The following ANKRD6 variants were observed in gnomAD, a reference collection of about 807,000 sequenced individuals.
The protein encoded by ANKRD6 is ankyrin repeat domain 6.
A neutral mutation model predicts 82.3 loss-of-function variants in ANKRD6; 56 were observed. The ratio of observed to expected loss-of-function variants is 0.68; its 90% CI spans 0.55 to 0.85. ANKRD6 has a LOEUF of 0.85. Among genes scored for constraint, ANKRD6 ranks in the 40% least tolerant of loss-of-function variants. The probability of loss-of-function intolerance (pLI) is 0.00; values close to 1 mark genes in which losing one functional copy is unlikely to be tolerated. For missense variants in ANKRD6, 852 were observed against 907.6 expected (o/e 0.94, Z 0.79); for synonymous variants, 347 against 352.1 (o/e 0.99, Z 0.16).
chr6:89,633,590 A>G lies in ANKRD6; in HGVS notation c.*2586A>G, dbSNP rs1257384854. The G allele has an allele frequency of 5.3e-5, 8 of 152,222 alleles. No homozygotes were observed. 9.4% of individuals were successfully genotyped at this position (152,222 alleles called of 1,614,324 possible). A position where few individuals can be genotyped will look rare whatever the true frequency, so the allele number is the denominator to read the frequency against. ...GTTTTTTTAAAGAAATTGTTAGTGCATTATTGAGTATACTAAATATCTGTG... is the reference window on the plus strand; with the variant it reads ...GTTTTTTTAAAGAAATTGTTAGTGCGTTATTGAGTATACTAAATATCTGTG... On this transcript the variant is annotated 3_prime_UTR_variant, in exon 16 of 16. Transcript: ENST00000339746.
intron 10 of ANKRD6, 58 bp from the exon 11 acceptor site, chr6:89,623,352 T>C: frequency 2.6e-6 from 4 of 1,548,480 alleles, no homozygotes; most frequent in Non-Finnish European, 3.5e-6. Flanking sequence ...TTGACCATAT[T>C]AGTGAAAAAG....
intron 1 of ANKRD6, among the ~76,000 whole-genome samples, chr6:89,541,159 G>A (rs1490175737): frequency 6.6e-6 from 1 of 151,852 alleles, no homozygotes; most frequent in Non-Finnish European, 1.5e-5. Flanking sequence ...CTATTTCTGT[G>A]AAGAACGTCA....
chr6:89,446,736 T>C (rs567942662), intron 1 of ANKRD6, among the ~76,000 whole-genome samples: 1 of 152,326 alleles, frequency 6.6e-6, no homozygotes, highest in African/African-American at 2.4e-5. Context: ...AAATCTCATC[T>C]TGAACTGTAG....
At chr6:89,612,164 G>A (rs909900002) in intron 5 of ANKRD6, 108 bp from the exon 6 acceptor site, 16 of 944,094 alleles carry the variant, frequency 1.7e-5, no homozygotes, top group Non-Finnish European at 2.4e-5. Context: ...GGCAGAGAAT[G>A]TGAGCGTTGC....
chr6:89,513,801 C>G (rs1206859433), intron 1 of ANKRD6, among the ~76,000 whole-genome samples: 1 of 152,132 alleles, frequency 6.6e-6, no homozygotes, highest in Non-Finnish European at 1.5e-5. Context: ...CAGAGACACA[C>G]AAAGAGAGAG....
intron 1 of ANKRD6, among the ~76,000 whole-genome samples, chr6:89,563,283 A>G (rs1318091041): frequency 6.6e-6 from 1 of 152,222 alleles, no homozygotes; most frequent in East Asian, 1.9e-4. Context: ...CAGAGCAACA[A>G]AAATGGGGCA....
intron 1 of ANKRD6, among the ~76,000 whole-genome samples, chr6:89,498,160 A>G (rs1345747451): frequency 6.6e-6 from 1 of 152,224 alleles, no homozygotes; most frequent in African/African-American, 2.4e-5. Context: ...TTCAGTAATT[A>G]TGAAGCCATG....
intron 1 of ANKRD6, among the ~76,000 whole-genome samples, chr6:89,515,265 TCA>T (rs538601997): frequency 2.9e-4 from 44 of 152,342 alleles, no homozygotes; most frequent in Non-Finnish European, 6.0e-4. Flanking sequence ...GTTTATTTAC[TCA>T]GTTTTTCTAC....
At chr6:89,618,973 A>G (rs72913921) in intron 9 of ANKRD6, among the ~76,000 whole-genome samples, 1 of 152,194 alleles carries the variant, frequency 6.6e-6, no homozygotes, top group Non-Finnish European at 1.5e-5. Context: ...CAGGGAGTCA[A>G]AGGAAGATTT....
chr6:89,448,464 C>T (rs1378525927), intron 1 of ANKRD6, among the ~76,000 whole-genome samples: 7 of 151,656 alleles, frequency 4.6e-5, no homozygotes, highest in African/African-American at 1.7e-4. Flanking sequence ...TATACTACAT[C>T]TACTCTGTCT....
intron 2 of ANKRD6, among the ~76,000 whole-genome samples, chr6:89,588,831 C>A (rs932967070): frequency 5.3e-5 from 8 of 151,902 alleles, no homozygotes; most frequent in Admixed American, 1.3e-4. Flanking sequence ...CATGGTGAAA[C>A]CCTGTCTCTA....
At chr6:89,516,681 T>C (rs1365951333) in intron 1 of ANKRD6, among the ~76,000 whole-genome samples, 1 of 152,236 alleles carries the variant, frequency 6.6e-6, no homozygotes, top group African/African-American at 2.4e-5. Flanking sequence ...TTTGCCGTGT[T>C]GGCCAGGCTG....
rs753261866 is a variant in ANKRD6, at chr6:89,627,694, C to G, written c.1483C>G (p.Gln495Glu). ...AGAGAAGCATGAGGGGGAGAAACGACAGGTAGGAACCAGCATCTGCTAGTC... is the reference window on the plus strand; with the variant it reads ...AGAGAAGCATGAGGGGGAGAAACGAGAGGTAGGAACCAGCATCTGCTAGTC... The part of the protein sequence containing the change: ...DTEKHEGEKR[Q>E]ISLVDELKTW... Residue 495 changes from glutamine (Q) to glutamate (E), a missense_variant and splice_region_variant, in exon 14 of 16, where the codon CAG (glutamine) becomes GAG (glutamate). Transcript: ENST00000339746. 3.1e-6 allele frequency: 5 copies of G among 1,613,638 alleles called. No individual in the cohort carries two copies. The highest frequency in any genetic ancestry group is 4.2e-6 in the Non-Finnish European group (5 of 1,179,658).
chr6:89,461,351 G>T (rs1333406159), intron 1 of ANKRD6, among the ~76,000 whole-genome samples: 1 of 152,184 alleles, frequency 6.6e-6, no homozygotes, highest in African/African-American at 2.4e-5. Context: ...AGGCACATAT[G>T]ATATAAGAGT....
At chr6:89,488,070 T>G (rs1260363070) in intron 1 of ANKRD6, among the ~76,000 whole-genome samples, 1 of 152,240 alleles carries the variant, frequency 6.6e-6, no homozygotes, top group Non-Finnish European at 1.5e-5. Context: ...TCAGCTTGCC[T>G]GTGCTACCAA....
At chr6:89,521,088 A>G (rs1249668878) in intron 1 of ANKRD6, among the ~76,000 whole-genome samples, 2 of 152,246 alleles carry the variant, frequency 1.3e-5, no homozygotes, top group Non-Finnish European at 2.9e-5. Flanking sequence ...ATTTTATTTA[A>G]TGTTGCCCTG....
chr6:89,625,417 CT>C (rs1805300726), intron 13 of ANKRD6, among the ~76,000 whole-genome samples: 1 of 152,008 alleles, frequency 6.6e-6, no homozygotes, highest in Admixed American at 6.6e-5. Flanking sequence ...CTTTTCCCAA[CT>C]TTTTATTTTA....
At position 89,596,050 on chromosome 6, in the gene ANKRD6, G is replaced by A. The variant is rs1795818720; in HGVS notation, c.219+36G>A. ...GCCATCATTCTATCAGGCTGAGTTG[G>A]CAGGGGAGGTTTTCTGGCTAGAAAT... On this transcript the variant is annotated intron_variant, in intron 3 of 15. Coordinates refer to ENST00000339746, the MANE Select transcript of ANKRD6 (RefSeq NM_001242809.2). 7 of 1,558,966 alleles carry A rather than the reference G, an allele frequency of 4.5e-6. No homozygotes were observed. The Admixed American group carries it at 9.3e-5, about 21-fold the overall frequency.
intron 1 of ANKRD6, among the ~76,000 whole-genome samples, chr6:89,540,562 T>TA (rs1178478347): frequency 6.6e-6 from 1 of 152,202 alleles, no homozygotes; most frequent in Non-Finnish European, 1.5e-5. Context: ...AATATTTTCT[T>TA]ACATTCTGCA....
Sources: allele counts gnomAD v4.1 joint callset (sites outside exome capture counted in the v4.1 genomes callset), GRCh38; gene constraint gnomAD v4.1.1; transcripts MANE v1.5; gene names NCBI Gene and HGNC (gene_info 2026-07-23, HGNC 2026-07-21).